The following NFIB variants were observed in gnomAD, a reference collection of about 807,000 sequenced individuals.
NFIB encodes nuclear factor 1 B-type.
Under a neutral mutation model 61.5 loss-of-function variants are expected in NFIB, and 11 were observed. The ratio of observed to expected loss-of-function variants is 0.18; its 90% CI spans 0.11 to 0.30. The LOEUF is 0.30. NFIB is among the 10% of genes least tolerant of loss of function. NFIB has a pLI of 1.00. For missense variants in NFIB, 471 were observed against 608.9 expected, an observed-to-expected ratio of 0.77 and a Z score of 2.38; for synonymous variants, 260 against 216.5, an observed-to-expected ratio of 1.20 and a Z score of -1.76.
chr9:14,250,365 T>C (rs957111066), intron 2 of NFIB, among the ~76,000 whole-genome samples: 3 of 152,212 alleles, frequency 2.0e-5, no homozygotes, highest in Non-Finnish European at 2.9e-5. Context: ...AATTGTACCA[T>C]TTCTCAAAGG....
intron 1 of NFIB, among the ~76,000 whole-genome samples, chr9:14,398,005 G>C (rs752599003): frequency 6.6e-6 from 1 of 151,950 alleles, no homozygotes; most frequent in Non-Finnish European, 1.5e-5. Flanking sequence ...CTATGCTCCA[G>C]GCTCCATGTA....
chr9:14,152,713 A>T lies in NFIB; in HGVS notation c.686-2448T>A, dbSNP rs182692827. ...GTAATTTGTAGTAAATGATAATTTT[A>T]AAATCTTCAGAAATTGTTTTTTTCT... On this transcript the variant is annotated intron_variant, in intron 4 of 10. Coordinates refer to ENST00000380953, the MANE Select transcript of NFIB (RefSeq NM_001190737.2). Among the ~76,000 whole-genome samples, 22 of 152,282 alleles carry T rather than the reference A, an allele frequency of 1.4e-4. 1 individual carries two copies. The highest frequency in any genetic ancestry group is 1.4e-3 in the Admixed American group (21 of 15,262).
chr9:14,237,899 A>T (rs1229683253), intron 2 of NFIB, among the ~76,000 whole-genome samples: 2 of 125,536 alleles, frequency 1.6e-5, no homozygotes, highest in Non-Finnish European at 3.5e-5. Context: ...GTATTCTACC[A>T]TATTCTGGGT....
intron 6 of NFIB, among the ~76,000 whole-genome samples, chr9:14,139,500 G>A (rs546857817): frequency 6.6e-6 from 1 of 152,280 alleles, no homozygotes; most frequent in Admixed American, 6.5e-5. Flanking sequence ...CCTATTTTAA[G>A]CTGTGTTCCA....
At chr9:14,525,996 T>C in the NFIB span, among the ~76,000 whole-genome samples, 276 of 152,262 alleles carry the variant, frequency 1.8e-3, no homozygotes, top group Non-Finnish European at 1.6e-3. Context: ...CTCCATCTCA[T>C]TCATCCTCAC....
chr9:14,390,721 G>A (rs999376824), intron 1 of NFIB, among the ~76,000 whole-genome samples: 6 of 152,194 alleles, frequency 3.9e-5, no homozygotes, highest in Admixed American at 6.5e-5. Flanking sequence ...AGCTCCCTCG[G>A]TTCTTCTTCT....
chr9:14,173,883 C>A (rs917407583), intron 3 of NFIB, among the ~76,000 whole-genome samples: 1 of 152,142 alleles, frequency 6.6e-6, no homozygotes, highest in Non-Finnish European at 1.5e-5. Flanking sequence ...TACAAATAAT[C>A]AGGCTAGAAG....
At chr9:14,264,032 T>C (rs1370784798) in intron 2 of NFIB, among the ~76,000 whole-genome samples, 1 of 152,140 alleles carries the variant, frequency 6.6e-6, no homozygotes, top group African/African-American at 2.4e-5. Flanking sequence ...AATAAAAGGA[T>C]TAGAGTTTTG....
intron 2 of NFIB, among the ~76,000 whole-genome samples, chr9:14,217,324 T>A (rs1239905704): frequency 6.6e-6 from 1 of 152,176 alleles, no homozygotes; most frequent in African/African-American, 2.4e-5. Context: ...AGATAAGATA[T>A]ACATTATCTA....
At chr9:14,450,411 T>G in the NFIB span, among the ~76,000 whole-genome samples, 3 of 152,244 alleles carry the variant, frequency 2.0e-5, no homozygotes, top group Non-Finnish European at 4.4e-5. Context: ...AAGCTGAAGT[T>G]GAAGATAATA....
the NFIB span, among the ~76,000 whole-genome samples, chr9:14,424,851 A>G: frequency 6.6e-6 from 1 of 152,208 alleles, no homozygotes; most frequent in Non-Finnish European, 1.5e-5. Flanking sequence ...AGAATTTTAC[A>G]TGAGGGACAT....
the NFIB span, among the ~76,000 whole-genome samples, chr9:14,410,497 T>C: frequency 3.3e-5 from 5 of 152,168 alleles, no homozygotes; most frequent in African/African-American, 1.2e-4. Flanking sequence ...AGAGTTACAG[T>C]TCATCAGAGC....
At chr9:14,358,239 A>G (rs1449932610) in intron 1 of NFIB, among the ~76,000 whole-genome samples, 1 of 149,278 alleles carries the variant, frequency 6.7e-6, no homozygotes, top group Non-Finnish European at 1.5e-5. Flanking sequence ...AAATAATTTT[A>G]TATTTATATA....
chr9:14,425,164 T>C, the NFIB span, among the ~76,000 whole-genome samples: 1 of 152,214 alleles, frequency 6.6e-6, no homozygotes, highest in Admixed American at 6.5e-5. Context: ...CACCCACACA[T>C]TCCACAGCAG....
chr9:14,457,783 G>A, the NFIB span, among the ~76,000 whole-genome samples: 2 of 152,020 alleles, frequency 1.3e-5, no homozygotes, highest in East Asian at 1.9e-4. Flanking sequence ...TGGATAAATT[G>A]CTGGACACAT....
chr9:14,501,010 T>C, the NFIB span, among the ~76,000 whole-genome samples: 1 of 152,214 alleles, frequency 6.6e-6, no homozygotes, highest in African/African-American at 2.4e-5. Flanking sequence ...ATCTGTGGGA[T>C]TGAGTTTATT....
At chr9:14,160,860 A>T (rs981665243) in intron 3 of NFIB, among the ~76,000 whole-genome samples, 2 of 150,522 alleles carry the variant, frequency 1.3e-5, no homozygotes, top group Non-Finnish European at 3.0e-5. Flanking sequence ...AACAGAAAAA[A>T]AGAAGAAAGC....
chr9:14,491,932 C>G, the NFIB span, among the ~76,000 whole-genome samples: 40 of 152,278 alleles, frequency 2.6e-4, no homozygotes, highest in Non-Finnish European at 2.9e-5. Flanking sequence ...GAATCTCATG[C>G]ATTGGCACCT....
At chr9:14,386,607 TA>T (rs767472675) in intron 1 of NFIB, among the ~76,000 whole-genome samples, 13 of 59,858 alleles carry the variant, frequency 2.2e-4, no homozygotes, top group Non-Finnish European at 4.1e-4. Flanking sequence ...GAGAGCCTCT[TA>T]GGGGACAAAA....
Sources: gnomAD v4.1 joint callset for allele counts (sites outside exome capture counted in the v4.1 genomes callset) on GRCh38, gnomAD v4.1.1 for gene constraint, MANE v1.5 for transcripts, NCBI Gene and HGNC (gene_info 2026-07-23, HGNC 2026-07-21) for gene names.